RANBP2: variants seen among roughly 807,000 people sequenced by gnomAD.
The protein encoded by RANBP2 is E3 SUMO-protein ligase RanBP2.
Under a neutral mutation model 303.6 loss-of-function variants are expected in RANBP2, and 57 were observed. The ratio of observed to expected loss-of-function variants is 0.19; its 90% confidence interval spans 0.15 to 0.23. RANBP2 has a LOEUF of 0.23. RANBP2 is among the 10% of genes least tolerant of loss of function. RANBP2 has a pLI of 1.00. For missense variants in RANBP2, 3,138 were observed against 3,780.8 expected (o/e 0.83, Z 4.46); for synonymous variants, 1,167 against 1,301.5 (o/e 0.90, Z 2.23).
At chr2:109,732,407 G>C in the RANBP2 span, among the ~76,000 whole-genome samples, 3 of 152,066 alleles carry the variant, frequency 2.0e-5, no homozygotes, top group African/African-American at 7.2e-5. Context: ...CCATCACAAG[G>C]AGAATATAAA....
chr2:108,745,955 G>A (rs1696480165), intron 7 of RANBP2, among the ~76,000 whole-genome samples: 1 of 148,360 alleles, frequency 6.7e-6, no homozygotes, highest in Non-Finnish European at 1.5e-5. Flanking sequence ...CGCCCAAGCT[G>A]GAGCACAGTG....
At chr2:108,875,033 A>G in the RANBP2 span, among the ~76,000 whole-genome samples, 1 of 152,032 alleles carries the variant, frequency 6.6e-6, no homozygotes, top group Non-Finnish European at 1.5e-5. Flanking sequence ...AGATAAAAAA[A>G]CAAAGCTTGA....
the RANBP2 span, among the ~76,000 whole-genome samples, chr2:109,628,537 AATAG>A: frequency 2.8e-3 from 415 of 147,372 alleles, 3 homozygotes; most frequent in Non-Finnish European, 4.8e-3. Flanking sequence ...TAAATAAATA[AATAG>A]ATTCCCACTA....
At chr2:109,362,814 A>G in the RANBP2 span, among the ~76,000 whole-genome samples, 1 of 152,152 alleles carries the variant, frequency 6.6e-6, no homozygotes, top group Non-Finnish European at 1.5e-5. Flanking sequence ...CTTCGTCATT[A>G]TGTAATGCCC....
chr2:109,081,076 T>C, the RANBP2 span, among the ~76,000 whole-genome samples: 1 of 152,340 alleles, frequency 6.6e-6, no homozygotes, highest in East Asian at 1.9e-4. Context: ...GTGCTGCAGG[T>C]GCACAATACT....
rs202105889 is a variant in RANBP2, at chr2:108,777,348, TTTG to T, written c.8599+120_8599+122del. 1,560 of 476,244 alleles carry T rather than the reference TTTG, an allele frequency of 3.3e-3. 4 individuals carry two copies. The highest frequency in any genetic ancestry group is 4.8e-3 in the Non-Finnish European group (1,378 of 289,656). The allele number at this position is 476,244 out of a possible 1,614,324, so 29.5% of individuals were successfully genotyped here. A position where few individuals can be genotyped will look rare whatever the true frequency, so the allele number is the denominator to read the frequency against. On this transcript the variant is annotated intron_variant, in intron 25 of 28. Coordinates refer to ENST00000283195, the MANE Select transcript of RANBP2 (RefSeq NM_006267.5). ...AGAAGTTTCTTCCCTTACCCCCCAGTTTGTTTTAGTGTTTTAATAATGAAGGGC... is the reference window on the plus strand; with the variant it reads ...AGAAGTTTCTTCCCTTACCCCCCAGTTTTTAGTGTTTTAATAATGAAGGGC...
chr2:109,145,935 C>T, the RANBP2 span, among the ~76,000 whole-genome samples: 1 of 152,144 alleles, frequency 6.6e-6, no homozygotes, highest in African/African-American at 2.4e-5. Flanking sequence ...GGGTTCATGT[C>T]TCCCTCCCCA....
the RANBP2 span, among the ~76,000 whole-genome samples, chr2:108,921,717 G>A: frequency 6.6e-6 from 1 of 152,308 alleles, no homozygotes; most frequent in East Asian, 1.9e-4. Context: ...CAGGGGTGGA[G>A]GGCATCACTC....
the RANBP2 span, chr2:108,875,956 T>A: frequency 1.7e-6 from 1 of 579,728 alleles, no homozygotes; most frequent in Non-Finnish European, 3.0e-6. Context: ...ATCTTTTAGT[T>A]GCCTATTTTC....
intron 19 of RANBP2, among the ~76,000 whole-genome samples, chr2:108,762,428 C>T (rs1676792677): frequency 1.5e-5 from 1 of 67,706 alleles, no homozygotes; most frequent in Admixed American, 2.0e-4. Flanking sequence ...GGTGGTGGAT[C>T]CTTCATCGTT....
the RANBP2 span, among the ~76,000 whole-genome samples, chr2:109,195,205 G>T: frequency 1.7e-5 from 1 of 59,460 alleles, no homozygotes; most frequent in African/African-American, 5.3e-5. Flanking sequence ...GGCTAGGAGA[G>T]TGATAGGACT....
the RANBP2 span, among the ~76,000 whole-genome samples, chr2:109,029,897 CTGTT>C: frequency 6.6e-6 from 1 of 152,192 alleles, no homozygotes; most frequent in South Asian, 2.1e-4. Flanking sequence ...ACAGATAAGG[CTGTT>C]TATTTTAAAG....
At chr2:109,699,637 A>G in the RANBP2 span, among the ~76,000 whole-genome samples, 11,721 of 152,258 alleles carry the variant, frequency 0.077, 1,001 homozygotes, top group African/African-American at 0.22. Flanking sequence ...TTATCTTCAC[A>G]TTACATAGGC....
chr2:109,294,483 C>G, the RANBP2 span, among the ~76,000 whole-genome samples: 9 of 150,986 alleles, frequency 6.0e-5, no homozygotes, highest in Admixed American at 5.3e-4. Flanking sequence ...ATCACCTGAA[C>G]CCAGGAGGTG....
chr2:108,872,006 C>T, the RANBP2 span, among the ~76,000 whole-genome samples: 1 of 152,280 alleles, frequency 6.6e-6, no homozygotes, highest in African/African-American at 2.4e-5. Flanking sequence ...CTCTCTCACA[C>T]GTACTTTGCC....
chr2:108,893,200 T>A, the RANBP2 span, among the ~76,000 whole-genome samples: 2 of 82,430 alleles, frequency 2.4e-5, no homozygotes. Flanking sequence ...CCTTTATATT[T>A]TCCTTTTTTA....
At chr2:109,425,434 C>G in the RANBP2 span, among the ~76,000 whole-genome samples, 3 of 152,298 alleles carry the variant, frequency 2.0e-5, no homozygotes, top group African/African-American at 7.2e-5. Context: ...CTAGGACTTT[C>G]ATAGCTAGAG....
At chr2:108,844,291 AGGTTG>A in the RANBP2 span, among the ~76,000 whole-genome samples, 2 of 152,020 alleles carry the variant, frequency 1.3e-5, no homozygotes, top group Admixed American at 1.3e-4. Context: ...GCAGTTGTTC[AGGTTG>A]GGTGTTTTCT....
the RANBP2 span, among the ~76,000 whole-genome samples, chr2:109,103,332 G>T: frequency 6.6e-6 from 1 of 152,222 alleles, no homozygotes; most frequent in Non-Finnish European, 1.5e-5. Context: ...TCCTGAGAAC[G>T]TGTGCCCAAT....
Sources: gnomAD v4.1 joint callset for allele counts (sites outside exome capture counted in the v4.1 genomes callset) on GRCh38, gnomAD v4.1.1 for gene constraint, MANE v1.5 for transcripts, NCBI Gene and HGNC (gene_info 2026-07-23, HGNC 2026-07-21) for gene names.